SNTG1: variants seen among roughly 807,000 people sequenced by gnomAD.
SNTG1 encodes gamma-1-syntrophin.
Under a neutral mutation model 74.7 loss-of-function variants are expected in SNTG1, and 39 were observed. That is an observed-to-expected ratio of 0.52 (90% CI 0.40 to 0.68). SNTG1 has a LOEUF of 0.68. SNTG1 is among the 30% of genes least tolerant of loss of function. The pLI is 0.00. For missense variants in SNTG1, 685 were observed against 609.5 expected (o/e 1.12, Z -1.30); for synonymous variants, 254 against 217.1 (o/e 1.17, Z -1.49).
chr8:50,565,237 T>TA (rs1485207008), intron 12 of SNTG1, among the ~76,000 whole-genome samples: 1 of 151,854 alleles, frequency 6.6e-6, no homozygotes, highest in Non-Finnish European at 1.5e-5. Flanking sequence ...ACCTGTTGAA[T>TA]AAATGTGCAT....
At chr8:49,962,151 G>A (rs559894462) in intron 1 of SNTG1, among the ~76,000 whole-genome samples, 2 of 152,126 alleles carry the variant, frequency 1.3e-5, no homozygotes, top group Admixed American at 1.3e-4. Flanking sequence ...AGAGGTGTAG[G>A]GTGGGGAGAG....
intron 9 of SNTG1, among the ~76,000 whole-genome samples, chr8:50,514,434 T>C (rs2094114161): frequency 6.6e-6 from 1 of 152,244 alleles, no homozygotes; most frequent in Non-Finnish European, 1.5e-5. Flanking sequence ...CATTTTAATT[T>C]GTTGGATATT....
chr8:49,927,434 G>A (rs927051385), intron 1 of SNTG1, among the ~76,000 whole-genome samples: 1 of 152,048 alleles, frequency 6.6e-6, no homozygotes, highest in Non-Finnish European at 1.5e-5. Context: ...AAATAAATGA[G>A]TTATTAAGCC....
chr8:50,633,618 G>C (rs1288862497), intron 13 of SNTG1, among the ~76,000 whole-genome samples: 2 of 152,162 alleles, frequency 1.3e-5, no homozygotes, highest in Non-Finnish European at 2.9e-5. Context: ...CCTTAAGGAG[G>C]AATATGAATG....
chr8:49,941,126 T>C (rs1254645221), intron 1 of SNTG1, among the ~76,000 whole-genome samples: 1 of 152,132 alleles, frequency 6.6e-6, no homozygotes. Flanking sequence ...CACTCTGCAT[T>C]CAAGCTCTGA....
intron 1 of SNTG1, among the ~76,000 whole-genome samples, chr8:49,926,224 C>G (rs548342031): frequency 1.3e-5 from 2 of 152,124 alleles, no homozygotes; most frequent in East Asian, 3.9e-4. Flanking sequence ...TAGGTAATGT[C>G]ATATTTACTT....
chr8:50,102,536 TTTG>T (rs1292563509), intron 1 of SNTG1, among the ~76,000 whole-genome samples: 1 of 145,156 alleles, frequency 6.9e-6, no homozygotes, highest in Non-Finnish European at 1.5e-5. Flanking sequence ...GGTAGTTTCT[TTTG>T]CTGTGCAGAA....
At chr8:50,372,031 T>A (rs1349186533) in intron 2 of SNTG1, among the ~76,000 whole-genome samples, 1 of 152,224 alleles carries the variant, frequency 6.6e-6, no homozygotes, top group Non-Finnish European at 1.5e-5. Context: ...CAGTAATTAC[T>A]AATAGGAAAG....
In SNTG1 at chr8:50,374,499, C is replaced by T. The variant is rs56376416; in HGVS notation, c.-27-19713C>T. On this transcript the variant is annotated intron_variant, in intron 2 of 18. Coordinates refer to ENST00000642720, the MANE Select transcript of SNTG1 (RefSeq NM_018967.5). Reference sequence around the variant, plus strand: ...TGGGCAGCTCAACTGTTGTAAGGCGCACAAAAGATCTTCATTTTCTGTCCT... The same window carrying T: ...TGGGCAGCTCAACTGTTGTAAGGCGTACAAAAGATCTTCATTTTCTGTCCT... 4.9e-3 allele frequency among the ~76,000 whole-genome samples: 744 copies of T among 152,296 alleles called. 9 individuals are homozygous for T. Among genetic ancestry groups the T allele is most frequent in the African/African-American group, 0.017 (702 of 41,570 alleles).
chr8:50,274,222 G>T (rs1350430291), intron 2 of SNTG1, among the ~76,000 whole-genome samples: 1 of 151,948 alleles, frequency 6.6e-6, no homozygotes, highest in African/African-American at 2.4e-5. Flanking sequence ...TAGTAGCTGG[G>T]ATTACAGATG....
At chr8:50,194,291 A>C (rs913851193) in intron 2 of SNTG1, among the ~76,000 whole-genome samples, 1 of 152,044 alleles carries the variant, frequency 6.6e-6, no homozygotes, top group African/African-American at 2.4e-5. Context: ...CTGTGAATCC[A>C]TCTGGTCCTG....
At chr8:50,603,786 C>T (rs1447065480) in intron 13 of SNTG1, among the ~76,000 whole-genome samples, 1 of 152,122 alleles carries the variant, frequency 6.6e-6, no homozygotes, top group Admixed American at 6.5e-5. Flanking sequence ...TTCAGAAAGA[C>T]ATTTTTGTTC....
chr8:50,084,641 T>C (rs747949602), intron 1 of SNTG1, among the ~76,000 whole-genome samples: 6 of 152,210 alleles, frequency 3.9e-5, no homozygotes, highest in Non-Finnish European at 2.9e-5. Context: ...ATCTCTCTCA[T>C]TGCAATATGT....
At chr8:50,733,744 G>A (rs753468126) in intron 17 of SNTG1, among the ~76,000 whole-genome samples, 4 of 151,828 alleles carry the variant, frequency 2.6e-5, no homozygotes, top group African/African-American at 4.8e-5. Context: ...AGAAATGTGT[G>A]TTCGTGTCCT....
intron 2 of SNTG1, among the ~76,000 whole-genome samples, chr8:50,368,463 G>GA (rs1285009028): frequency 2.0e-5 from 3 of 152,144 alleles, no homozygotes; most frequent in Non-Finnish European, 4.4e-5. Context: ...AAAAACTGGA[G>GA]AAGTCTGTTC....
In SNTG1 at chr8:50,342,421, G is replaced by A. The variant is rs1415628071; in HGVS notation, c.-27-51791G>A. Among the ~76,000 whole-genome samples the A allele has an allele frequency of 3.3e-5, 5 of 152,226 alleles. No homozygotes were observed. In the East Asian group the frequency reaches 7.7e-4, roughly 24 times the overall value. ...ATACTACGTTTTAAAGACAAGAAAT[G>A]TTCGTGGTGAACCACAGACTAATTA... On this transcript the variant is annotated intron_variant, in intron 2 of 18. Coordinates refer to ENST00000642720, the MANE Select transcript of SNTG1 (RefSeq NM_018967.5).
chr8:50,336,059 G>A (rs2091132431), intron 2 of SNTG1, among the ~76,000 whole-genome samples: 1 of 152,018 alleles, frequency 6.6e-6, no homozygotes, highest in Non-Finnish European at 1.5e-5. Flanking sequence ...CTTCAGGAAG[G>A]GTGAGATGAA....
At chr8:50,544,117 T>G (rs2094368582) in intron 11 of SNTG1, among the ~76,000 whole-genome samples, 1 of 152,140 alleles carries the variant, frequency 6.6e-6, no homozygotes. Flanking sequence ...CCTCTTGTAA[T>G]AATTAAAAAT....
chr8:50,110,298 T>C (rs1178027031), intron 1 of SNTG1, among the ~76,000 whole-genome samples: 1 of 152,156 alleles, frequency 6.6e-6, no homozygotes. Flanking sequence ...GAGTGGTCTC[T>C]GGGGTGTGAG....
Sources: gnomAD v4.1 joint callset for allele counts (sites outside exome capture counted in the v4.1 genomes callset) on GRCh38, gnomAD v4.1.1 for gene constraint, MANE v1.5 for transcripts, NCBI Gene and HGNC (gene_info 2026-07-23, HGNC 2026-07-21) for gene names.